TCF7L2: variants seen among roughly 807,000 people sequenced by gnomAD.
TCF7L2 encodes transcription factor 7 like 2.
Under a neutral mutation model 77.9 loss-of-function variants are expected in TCF7L2, and 23 were observed. That is an observed-to-expected ratio of 0.30 (90% CI 0.21 to 0.42). The LOEUF (loss-of-function observed/expected upper bound fraction) is 0.42, where lower values mean the gene tolerates loss of function less well. TCF7L2 is among the 10% of genes least tolerant of loss of function. TCF7L2 has a pLI of 1.00. For missense variants in TCF7L2, 654 were observed against 793.1 expected (o/e 0.82, Z 2.11); for synonymous variants, 413 against 340.2 (o/e 1.21, Z -2.36).
chr10:113,143,438 T>C (rs1217292283), intron 6 of TCF7L2, among the ~76,000 whole-genome samples: 2 of 151,914 alleles, frequency 1.3e-5, no homozygotes, highest in Non-Finnish European at 2.9e-5. Flanking sequence ...TCACCATTTT[T>C]GAAAAAAGGC....
intron 4 of TCF7L2, among the ~76,000 whole-genome samples, chr10:113,004,603 A>T (rs2045162274): frequency 6.6e-6 from 1 of 152,222 alleles, no homozygotes. Context: ...CTCAATCTTA[A>T]ACGTCTTCAG....
intron 5 of TCF7L2, among the ~76,000 whole-genome samples, chr10:113,138,933 A>G (rs957454093): frequency 1.3e-5 from 2 of 152,096 alleles, no homozygotes; most frequent in African/African-American, 4.8e-5. Context: ...ATGCTTGACT[A>G]GGGGCTGACT....
intron 5 of TCF7L2, among the ~76,000 whole-genome samples, chr10:113,088,112 A>G (rs1034078211): frequency 6.6e-6 from 1 of 152,184 alleles, no homozygotes; most frequent in African/African-American, 2.4e-5. Context: ...ACTTTTTACA[A>G]TGAACATAAA....
At chr10:113,027,396 C>T (rs560555691) in intron 4 of TCF7L2, among the ~76,000 whole-genome samples, 6 of 152,282 alleles carry the variant, frequency 3.9e-5, no homozygotes, top group South Asian at 2.1e-4. Flanking sequence ...TGCCTGTCAA[C>T]GATTCTCTCT....
chr10:113,148,303 G>A (rs866983602), intron 8 of TCF7L2, among the ~76,000 whole-genome samples: 10 of 152,222 alleles, frequency 6.6e-5, no homozygotes, highest in South Asian at 2.1e-4. Context: ...GACGAGAGCC[G>A]GCTCTGAAAT....
chr10:112,951,070 G>A, intron 1 of TCF7L2, 125 bp downstream of exon 1: 4 of 1,350,080 alleles, frequency 3.0e-6, no homozygotes, highest in East Asian at 2.6e-5. Context: ...GTGTGCGTAC[G>A]GTGCCACCAT....
chr10:113,113,231 A>G (rs1167907840), intron 5 of TCF7L2, among the ~76,000 whole-genome samples: 2 of 152,190 alleles, frequency 1.3e-5, no homozygotes, highest in Non-Finnish European at 2.9e-5. Flanking sequence ...ACTTCAGTAC[A>G]GGAGCAGCCC....
chr10:113,074,783 G>A (rs2058506841), intron 5 of TCF7L2, among the ~76,000 whole-genome samples: 1 of 152,156 alleles, frequency 6.6e-6, no homozygotes, highest in Non-Finnish European at 1.5e-5. Context: ...TTCAGCTGGG[G>A]CAATTTTGTT....
intron 5 of TCF7L2, among the ~76,000 whole-genome samples, chr10:113,074,333 G>T (rs768163277): frequency 1.2e-4 from 19 of 152,144 alleles, no homozygotes; most frequent in Middle Eastern, 3.2e-3. Context: ...CAAAAAGGGG[G>T]TGGTTAGAGT....
At chr10:112,987,501 C>T (rs1269311552) in intron 4 of TCF7L2, 2 of 150,446 alleles carry the variant, frequency 1.3e-5, no homozygotes, top group African/African-American at 4.9e-5. Flanking sequence ...AATGTCCTGG[C>T]GGATGCTCTC....
At chr10:113,009,150 G>A (rs1043414666) in intron 4 of TCF7L2, among the ~76,000 whole-genome samples, 33 of 152,208 alleles carry the variant, frequency 2.2e-4, no homozygotes, top group African/African-American at 7.0e-4. Context: ...TGCCCATGCC[G>A]GAAGTCTAGT....
intron 3 of TCF7L2, 34 bp downstream of exon 3, chr10:112,951,641 C>T: frequency 1.9e-6 from 2 of 1,049,002 alleles, no homozygotes; most frequent in Non-Finnish European, 2.3e-6. Context: ...CCGCCCGCTG[C>T]CCGCCCGCCC....
chr10:112,981,230 G>T (rs544839129), intron 4 of TCF7L2, among the ~76,000 whole-genome samples: 1 of 151,842 alleles, frequency 6.6e-6, no homozygotes, highest in Admixed American at 6.6e-5. Context: ...TGAAGAATTG[G>T]CACTCAGGGC....
At chr10:112,973,644 C>T (rs1180310179) in intron 4 of TCF7L2, among the ~76,000 whole-genome samples, 2 of 152,174 alleles carry the variant, frequency 1.3e-5, no homozygotes, top group East Asian at 3.8e-4. Context: ...GGCTGGAGTA[C>T]AGTGGTGCCA....
chr10:112,977,719 T>G (rs530696675), intron 4 of TCF7L2, among the ~76,000 whole-genome samples: 4 of 152,124 alleles, frequency 2.6e-5, no homozygotes, highest in Admixed American at 6.5e-5. Flanking sequence ...GATGTATGAG[T>G]GTTGGTGAAC....
chr10:113,106,113 G>C (rs983748444), intron 5 of TCF7L2, among the ~76,000 whole-genome samples: 1 of 152,182 alleles, frequency 6.6e-6, no homozygotes, highest in Admixed American at 6.5e-5. Context: ...ACTCAGGTCA[G>C]GGAAATGGAC....
In TCF7L2 at chr10:113,147,587, G is replaced by A. The variant is rs1009354677; in HGVS notation, c.875+1490G>A. 2.6e-5 allele frequency among the ~76,000 whole-genome samples: 4 copies of A among 152,162 alleles called. No individual in the cohort carries two copies. In the South Asian group the frequency reaches 8.3e-4, roughly 31 times the overall value. ...TATTAAATAGTGTCATCACAGCCTC[G>A]CAAAGCATGGGAATGAGTAGGGGGT... On this transcript the variant is annotated intron_variant, in intron 8 of 13. Transcript: ENST00000627217.
chr10:113,008,412 C>T (rs1330859383), intron 4 of TCF7L2, among the ~76,000 whole-genome samples: 1 of 152,160 alleles, frequency 6.6e-6, no homozygotes, highest in Admixed American at 6.5e-5. Flanking sequence ...TCAGCGTCAC[C>T]TTTCTGTGGG....
chr10:113,123,637 C>G (rs1192649782), intron 5 of TCF7L2, among the ~76,000 whole-genome samples: 4 of 152,012 alleles, frequency 2.6e-5, no homozygotes, highest in Admixed American at 2.0e-4. Flanking sequence ...ATAGGGATTA[C>G]GTTGATTTTT....
Sources: gnomAD v4.1 joint callset for allele counts (sites outside exome capture counted in the v4.1 genomes callset) on GRCh38, gnomAD v4.1.1 for gene constraint, MANE v1.5 for transcripts, NCBI Gene and HGNC (gene_info 2026-07-23, HGNC 2026-07-21) for gene names.